The following TIAM1 variants were observed in gnomAD, a reference collection of about 807,000 sequenced individuals.
The protein encoded by TIAM1 is rho guanine nucleotide exchange factor TIAM1.
In TIAM1, 65 loss-of-function variants were observed where a neutral mutation model predicts 163.5. The ratio of observed to expected loss-of-function variants is 0.40; its 90% CI spans 0.33 to 0.49. The LOEUF is 0.49. Ranked by LOEUF, TIAM1 falls within the 20% of genes least tolerant of loss-of-function variation. TIAM1 has a pLI of 0.77. For missense variants in TIAM1, 1,789 were observed against 2,044.7 expected (o/e 0.87, Z 2.41); for synonymous variants, 833 against 810.1 (o/e 1.03, Z -0.48).
chr21:31,474,552 T>G (rs2045867547), intron 1 of TIAM1, among the ~76,000 whole-genome samples: 1 of 151,706 alleles, frequency 6.6e-6, no homozygotes, highest in Non-Finnish European at 1.5e-5. Flanking sequence ...TAGTCTTTTT[T>G]TTTTTTTTTT....
chr21:31,369,225 C>A (rs368496744), intron 2 of TIAM1, among the ~76,000 whole-genome samples: 113 of 121,084 alleles, frequency 9.3e-4, no homozygotes, highest in Middle Eastern at 4.3e-3. Flanking sequence ...GAATCCATCT[C>A]AAAAAAAAAG....
intron 2 of TIAM1, among the ~76,000 whole-genome samples, chr21:31,407,081 C>T (rs201347384): frequency 1.3e-5 from 2 of 152,110 alleles, no homozygotes; most frequent in Non-Finnish European, 2.9e-5. Context: ...GGCAGAGCTC[C>T]GTGCCATATT....
chr21:31,447,499 CAGA>C (rs2044670135), intron 2 of TIAM1, among the ~76,000 whole-genome samples: 1 of 152,008 alleles, frequency 6.6e-6, no homozygotes, highest in Middle Eastern at 3.4e-3. Context: ...ATGGAGAAAG[CAGA>C]GAAATAGGAA....
intron 2 of TIAM1, among the ~76,000 whole-genome samples, chr21:31,388,276 C>T (rs187502784): frequency 2.4e-4 from 34 of 143,196 alleles, no homozygotes; most frequent in African/African-American, 7.8e-4. Context: ...TACGTGAATA[C>T]GGTGAATCTG....
At chr21:31,215,672 T>C (rs2087158894) in intron 9 of TIAM1, among the ~76,000 whole-genome samples, 1 of 152,076 alleles carries the variant, frequency 6.6e-6, no homozygotes, top group South Asian at 2.1e-4. Flanking sequence ...ATTTTTCTGA[T>C]GAAATGTTGA....
intron 2 of TIAM1, among the ~76,000 whole-genome samples, chr21:31,322,448 T>TTGG (rs749245750): frequency 7.3e-6 from 1 of 136,526 alleles, no homozygotes; most frequent in African/African-American, 2.8e-5. Context: ...CCTCTATGGG[T>TTGG]GGGGGGGGGT....
At chr21:31,159,682 C>T (rs1172212839) in intron 16 of TIAM1, among the ~76,000 whole-genome samples, 1 of 152,200 alleles carries the variant, frequency 6.6e-6, no homozygotes, top group African/African-American at 2.4e-5. Flanking sequence ...AGGAAGAAGG[C>T]TTATTTGAGC....
chr21:31,156,377 G>A (rs1450524439), intron 16 of TIAM1, among the ~76,000 whole-genome samples: 1 of 152,198 alleles, frequency 6.6e-6, no homozygotes, highest in Non-Finnish European at 1.5e-5. Flanking sequence ...TTCTGACACT[G>A]AGTAACCCCA....
At chr21:31,539,304 G>T (rs796151779) in intron 1 of TIAM1, among the ~76,000 whole-genome samples, 2 of 149,106 alleles carry the variant, frequency 1.3e-5, no homozygotes, top group African/African-American at 5.1e-5. Flanking sequence ...CCCGCTCTGT[G>T]GCCCAGGCTG....
At chr21:31,370,493 C>G (rs765991966) in intron 2 of TIAM1, among the ~76,000 whole-genome samples, 4 of 152,014 alleles carry the variant, frequency 2.6e-5, no homozygotes, top group Non-Finnish European at 5.9e-5. Context: ...TGTGTGCACG[C>G]GCATGTGTGT....
Position 31,124,577 on chromosome 21 carries a change from A to G in TIAM1, c.4251T>C (p.Phe1417=), listed in dbSNP as rs1254899105. ...SLPSSQQYVP[F]GGKRLCALKG... ...TCAGTGCACACAATCTTTTGCCTCCAAAAGGGACATATTGCTGGGATGAGG... is the reference window on the plus strand; with the variant it reads ...TCAGTGCACACAATCTTTTGCCTCCGAAAGGGACATATTGCTGGGATGAGG... The change falls in exon 27 of 28, where the codon TTT becomes TTC. Residue 1417 remains phenylalanine (F), a synonymous_variant. Coordinates refer to ENST00000541036, the MANE Select transcript of TIAM1 (RefSeq NM_001353694.2). The G allele has an allele frequency of 1.2e-6, 2 of 1,613,764 alleles. No individual in the cohort carries two copies. The highest frequency in any genetic ancestry group is 2.7e-5 in the African/African-American group (2 of 74,920).
At chr21:31,231,581 C>G (rs900038893) in intron 6 of TIAM1, among the ~76,000 whole-genome samples, 2 of 152,150 alleles carry the variant, frequency 1.3e-5, no homozygotes, top group African/African-American at 4.8e-5. Context: ...GTTAAACACC[C>G]TTTGAATGGT....
At chr21:31,242,887 G>C (rs977600119) in intron 6 of TIAM1, among the ~76,000 whole-genome samples, 2 of 139,916 alleles carry the variant, frequency 1.4e-5, no homozygotes, top group Middle Eastern at 4.0e-3. Flanking sequence ...AAAGAAAAAA[G>C]AAAAGAAAAG....
intron 15 of TIAM1, among the ~76,000 whole-genome samples, chr21:31,178,926 T>A (rs2084888783): frequency 6.6e-6 from 1 of 151,556 alleles, no homozygotes. Flanking sequence ...TAATTTTGTA[T>A]TTTTAGTAGA....
intron 27 of TIAM1, among the ~76,000 whole-genome samples, chr21:31,122,140 AC>A (rs1693109220): frequency 1.3e-5 from 2 of 152,028 alleles, no homozygotes; most frequent in Non-Finnish European, 2.9e-5. Context: ...TCTGCTTCAG[AC>A]CCCTGCGTGT....
intron 2 of TIAM1, among the ~76,000 whole-genome samples, chr21:31,452,292 G>T (rs1031559050): frequency 2.0e-5 from 3 of 152,112 alleles, no homozygotes; most frequent in African/African-American, 7.2e-5. Flanking sequence ...ACAAAATGTT[G>T]GCCAGGCATG....
intron 2 of TIAM1, among the ~76,000 whole-genome samples, chr21:31,448,986 G>A (rs1602304558): frequency 6.6e-6 from 1 of 151,482 alleles, no homozygotes; most frequent in African/African-American, 2.4e-5. Flanking sequence ...TTTTTTTTCT[G>A]AGACAGGGTC....
At chr21:31,436,207 T>C (rs2044202850) in intron 2 of TIAM1, among the ~76,000 whole-genome samples, 1 of 152,200 alleles carries the variant, frequency 6.6e-6, no homozygotes, top group Non-Finnish European at 1.5e-5. Context: ...CACTATAGAC[T>C]GCAGGCTCCC....
chr21:31,438,245 G>A (rs1015917520), intron 2 of TIAM1, among the ~76,000 whole-genome samples: 1 of 131,520 alleles, frequency 7.6e-6, no homozygotes. Flanking sequence ...AGACTGGAGT[G>A]CAGTGGCATG....
Sources: gnomAD v4.1 joint callset for allele counts (sites outside exome capture counted in the v4.1 genomes callset) on GRCh38, gnomAD v4.1.1 for gene constraint, MANE v1.5 for transcripts, NCBI Gene and HGNC (gene_info 2026-07-23, HGNC 2026-07-21) for gene names.